Variants in USP42 observed in about 807,000 individuals in gnomAD.
USP42 encodes ubiquitin carboxyl-terminal hydrolase 42.
In USP42, 23 loss-of-function variants were observed where a neutral mutation model predicts 113.0. The ratio of observed to expected loss-of-function variants is 0.20; its 90% CI spans 0.15 to 0.29. USP42 has a LOEUF of 0.29. USP42 is among the 10% of genes least tolerant of loss of function. USP42 has a pLI of 1.00. For missense variants in USP42, 2,174 were observed against 1,779.8 expected (o/e 1.22, Z -3.99); for synonymous variants, 933 against 699.0 (o/e 1.33, Z -5.28).
rs1045258334 is a variant in USP42 at position 6,154,079 on chromosome 7, G to A, written c.2525G>A (p.Gly842Asp). 3.7e-6 allele frequency: 6 copies of A among 1,605,842 alleles called. No individual in the cohort carries two copies. The highest frequency in any genetic ancestry group is 5.1e-6 in the Non-Finnish European group (6 of 1,179,136). The change falls in exon 15 of 18, where the codon GGC becomes GAC. Residue 842 changes from glycine (G) to aspartate (D), a missense_variant. By Grantham distance (94) the Gly-to-Asp change is moderately conservative. Transcript: ENST00000306177. Reference sequence around the variant, plus strand: ...GACGCAAAGGGGATGATCGCGGAGGGCCCGCGGGACTCGGCGTTGGCGGAA... The same window carrying A: ...GACGCAAAGGGGATGATCGCGGAGGACCCGCGGGACTCGGCGTTGGCGGAA... ...SQDAKGMIAE[G>D]PRDSALAEAP... is the part of the protein sequence containing the mutation.
At position 6,149,201 on chromosome 7, in the gene USP42, A is replaced by G. The variant is rs1321613838; in HGVS notation, c.1387-382A>G. Among the ~76,000 whole-genome samples, 3 of 152,248 alleles carry G rather than the reference A, an allele frequency of 2.0e-5. No individual in the cohort carries two copies. The East Asian group carries it at 5.8e-4, about 29-fold the overall frequency. ...CCACGTGACCGTCTCCTTTGCTCCG[A>G]GGCGAGGGTGATTCCTCCTTCCTGG... On this transcript the variant is annotated intron_variant, in intron 12 of 17. Coordinates refer to ENST00000306177, the MANE Select transcript of USP42 (RefSeq NM_032172.3).
chr7:6,089,410 C>A, the USP42 span, among the ~76,000 whole-genome samples: 1 of 150,616 alleles, frequency 6.6e-6, no homozygotes, highest in Non-Finnish European at 1.5e-5. Flanking sequence ...GGCCAGCAAG[C>A]TTTGTAAGAT....
chr7:6,104,389 G>A (rs111266249), upstream of USP42, among the ~76,000 whole-genome samples: 7 of 152,320 alleles, frequency 4.6e-5, no homozygotes, highest in African/African-American at 1.7e-4. Flanking sequence ...CCCAGACCTT[G>A]TTTCTAAGAA....
chr7:6,106,873 T>G lies in USP42; in HGVS notation c.-10+1841T>G, dbSNP rs574697329. Among the ~76,000 whole-genome samples, 8 of 152,284 alleles carry G rather than the reference T, an allele frequency of 5.3e-5. No homozygotes were observed. In the South Asian group the frequency reaches 1.5e-3, roughly 28 times the overall value. ...GGTCCACCATGCCCCACCTGTAGGT[T>G]GTTGTTTTAATGCTCTTGTAACTTT... is the stretch of plus-strand genomic sequence containing the variant. On this transcript the variant is annotated intron_variant, in intron 1 of 17. Coordinates refer to ENST00000306177, the MANE Select transcript of USP42 (RefSeq NM_032172.3).
At chr7:6,092,034 TC>T in the USP42 span, among the ~76,000 whole-genome samples, 41 of 105,632 alleles carry the variant, frequency 3.9e-4, no homozygotes, top group Admixed American at 5.1e-4. Context: ...TTCTTCTTCT[TC>T]TTCTTCTTCT....
Position 6,127,387 on chromosome 7 carries a change from A to G in USP42, c.443-8454A>G, listed in dbSNP as rs1250300829. Among the ~76,000 whole-genome samples, 9 of 149,612 alleles carry G rather than the reference A, an allele frequency of 6.0e-5. No homozygotes were observed. In the South Asian group the frequency reaches 1.9e-3, roughly 31 times the overall value. Reference sequence around the variant, plus strand: ...CTCTTGATCCTGCAGATTTTTTCCTATGTTAATTTTTTCCTGTAAGTTGTA... The same window carrying G: ...CTCTTGATCCTGCAGATTTTTTCCTGTGTTAATTTTTTCCTGTAAGTTGTA... On this transcript the variant is annotated intron_variant, in intron 3 of 17. Coordinates refer to ENST00000306177, the MANE Select transcript of USP42 (RefSeq NM_032172.3).
chr7:6,098,657 T>G, the USP42 span, among the ~76,000 whole-genome samples: 3 of 150,398 alleles, frequency 2.0e-5, no homozygotes, highest in Non-Finnish European at 4.4e-5. Context: ...GTTCAAACGA[T>G]TCTCCTGCCT....
chr7:6,087,059 T>C, the USP42 span, among the ~76,000 whole-genome samples: 1 of 140,610 alleles, frequency 7.1e-6, no homozygotes, highest in Non-Finnish European at 1.5e-5. Context: ...TGAGACAGAG[T>C]GTCACTCTGT....
At chr7:6,147,710 AC>A (rs1447715629) in intron 11 of USP42, 28 bp from the exon 12 acceptor site, 1 of 1,547,740 alleles carries the variant, frequency 6.5e-7, no homozygotes, top group Admixed American at 1.9e-5. Flanking sequence ...GTCCTGTGTC[AC>A]CCTAAGTATC....
rs914916389 is a variant in USP42, at chr7:6,158,730, G to A, written c.3944-720G>A. 4.6e-5 allele frequency among the ~76,000 whole-genome samples: 7 copies of A among 152,188 alleles called. No homozygotes were observed. Among genetic ancestry groups the A allele is most frequent in the Non-Finnish European group, 8.8e-5 (6 of 68,036 alleles). ...TTTTGCGTTCCCATTTCAGCGAATCGGGGAAGGAGATTCGTGAGGGCTGCT... is the reference window on the plus strand; with the variant it reads ...TTTTGCGTTCCCATTTCAGCGAATCAGGGAAGGAGATTCGTGAGGGCTGCT... On this transcript the variant is annotated intron_variant, in intron 16 of 17. Coordinates refer to ENST00000306177, the MANE Select transcript of USP42 (RefSeq NM_032172.3). This position sits in a 1 kb window ranked among gnomAD's most constrained non-coding sequence, Gnocchi z 4.2.
chr7:6,116,118 A>C (rs1294351442), intron 3 of USP42, among the ~76,000 whole-genome samples: 1 of 151,484 alleles, frequency 6.6e-6, no homozygotes, highest in Admixed American at 6.6e-5. Flanking sequence ...AAAAAAAAAA[A>C]AAACGTCTGA....
At chr7:6,091,349 C>A in the USP42 span, among the ~76,000 whole-genome samples, 1 of 150,666 alleles carries the variant, frequency 6.6e-6, no homozygotes, top group Non-Finnish European at 1.5e-5. Flanking sequence ...CTCCGCCTCC[C>A]TCAAGTAGCT....
chr7:6,150,463 T>C lies in USP42; in HGVS notation c.2158T>C (p.Phe720Leu). Residue 720 changes from phenylalanine (F) to leucine (L), a missense_variant, in exon 14 of 18, where the codon TTC becomes CTC. Phe to Leu is a conservative substitution (Grantham distance 22). Transcript: ENST00000306177. ...SLPEDKILET[F>L]RLSNKLKGST... ...CCCAGAAGACAAAATCTTAGAGACC[T>C]TCAGGCTTAGCAACAAACTGAAAGG... 1 of 1,613,990 alleles carries C rather than the reference T, an allele frequency of 6.2e-7. No individual in the cohort carries two copies. Among genetic ancestry groups the C allele is most frequent in the Non-Finnish European group, 8.5e-7 (1 of 1,179,888 alleles).
At chr7:6,147,558 T>G (rs1484405717) in intron 11 of USP42, among the ~76,000 whole-genome samples, 181 bp from the exon 12 acceptor site, 1 of 152,266 alleles carries the variant, frequency 6.6e-6, no homozygotes, top group Non-Finnish European at 1.5e-5. Context: ...TGTCTCCTGA[T>G]CTGAGTGCCT....
intron 2 of USP42, among the ~76,000 whole-genome samples, chr7:6,112,902 T>TTC (rs891081689): frequency 8.6e-5 from 10 of 116,764 alleles, no homozygotes; most frequent in African/African-American, 3.3e-4. Flanking sequence ...GTAAGTTTCT[T>TTC]TTTTTTTTTT....
At position 6,111,364 on chromosome 7, in the gene USP42, A is replaced by T. The variant is rs747103141; in HGVS notation, c.231A>T (p.Gln77His). ...CTGATAAATCAAAACCATCACCACA[A>T]AAGGATCAAGGTACTGTTTTTCAAA... The part of the protein sequence containing the change: ...SVPDKSKPSP[Q>H]KDQALGDGIA... The change falls in exon 2 of 18, where the codon CAA becomes CAT. Residue 77 changes from glutamine (Q) to histidine (H), a missense_variant. Transcript: ENST00000306177. 6.2e-7 allele frequency: 1 copy of T among 1,611,850 alleles called. No homozygotes were observed. Among genetic ancestry groups the T allele is most frequent in the Non-Finnish European group, 8.5e-7 (1 of 1,178,762 alleles).
chr7:6,095,937 TA>T, the USP42 span, among the ~76,000 whole-genome samples: 59 of 150,684 alleles, frequency 3.9e-4, no homozygotes, highest in Admixed American at 3.5e-3. Flanking sequence ...TTTTTTAATT[TA>T]TTTTTTTGTA....
chr7:6,126,138 A>G (rs1382450931), intron 3 of USP42, among the ~76,000 whole-genome samples: 6 of 152,162 alleles, frequency 3.9e-5, no homozygotes, highest in African/African-American at 7.2e-5. Flanking sequence ...TGTCATTTCA[A>G]CAGTGTTACG....
At chr7:6,127,854 A>G (rs1453391808) in intron 3 of USP42, among the ~76,000 whole-genome samples, 1 of 152,198 alleles carries the variant, frequency 6.6e-6, no homozygotes, top group African/African-American at 2.4e-5. Context: ...GGGGATTAAC[A>G]TCTTTACTAT....
Sources: allele counts gnomAD v4.1 joint callset (sites outside exome capture counted in the v4.1 genomes callset), GRCh38; gene constraint gnomAD v4.1.1; non-coding constraint Gnocchi (gnomAD v3.1); transcripts MANE v1.5; gene names NCBI Gene and HGNC (gene_info 2026-07-23, HGNC 2026-07-21).